MRPS18B: variants seen among roughly 807,000 people sequenced by gnomAD.
MRPS18B encodes the protein mitochondrial ribosomal protein S18B, also known as small ribosomal subunit protein mS40.
MRPS18B carries 27 observed loss-of-function variants against 28.4 expected under a neutral mutation model. The observed-to-expected ratio is 0.95, with a 90% confidence interval of 0.70 to 1.31. MRPS18B has a LOEUF of 1.31. MRPS18B is among the 40% of genes most tolerant of loss of function. The probability of loss-of-function intolerance (pLI) is 0.00; values close to 1 mark genes in which losing one functional copy is unlikely to be tolerated. For synonymous variants in MRPS18B, 118 were observed against 123.7 expected, an observed-to-expected ratio of 0.95 and a Z score of 0.30; for missense variants, 343 against 335.9, an observed-to-expected ratio of 1.02 and a Z score of -0.17.
Position 30,619,783 on chromosome 6 carries a change from C to G in MRPS18B, c.262C>G (p.Gln88Glu). ...RRNHKGGVPP[Q>E]RTRKTCIRRN... is the part of the protein sequence containing the mutation. ...CAACCACAAGGGTGGTGTACCCCCA[C>G]AGCGGACTCGGAAGACATGTATTGT... Residue 88 changes from glutamine (Q) to glutamate (E), a missense_variant, in exon 3 of 7, where the codon CAG becomes GAG. Gln to Glu is a conservative substitution (Grantham distance 29, BLOSUM62 2). Transcript: ENST00000259873. 3 of 1,614,238 alleles carry G rather than the reference C, an allele frequency of 1.9e-6. No homozygotes were observed. Among genetic ancestry groups the G allele is most frequent in the Non-Finnish European group, 2.5e-6 (3 of 1,180,038 alleles).
intron 4 of MRPS18B, among the ~76,000 whole-genome samples, chr6:30,622,389 C>T (rs1426214689): frequency 1.3e-5 from 2 of 151,674 alleles, no homozygotes; most frequent in Non-Finnish European, 2.9e-5. Context: ...GGTGAAACCG[C>T]ATCTCTACTA....
At chr6:30,623,410 AAC>A (rs1397414117) in intron 5 of MRPS18B, among the ~76,000 whole-genome samples, 3 of 152,208 alleles carry the variant, frequency 2.0e-5, no homozygotes, top group Non-Finnish European at 2.9e-5. Flanking sequence ...TTAATTGATA[AAC>A]AGTGATTAAT....
chr6:30,619,989 G>A lies in MRPS18B; in HGVS notation c.354G>A (p.Arg118=). ...ATCACAAGTTGCATGTTGACTTTAGGGTAAGGAGAGTCTTTTCTTTTTAGG... is the reference window on the plus strand; with the variant it reads ...ATCACAAGTTGCATGTTGACTTTAGAGTAAGGAGAGTCTTTTCTTTTTAGG... ...CRDHKLHVDF[R]NVKLLEQFVC... Residue 118 remains arginine (R), a splice_region_variant and synonymous_variant, in exon 4 of 7, where the codon AGG becomes AGA. Transcript: ENST00000259873. 1.2e-6 allele frequency: 2 copies of A among 1,613,668 alleles called. No homozygotes were observed. Among genetic ancestry groups the A allele is most frequent in the South Asian group, 1.1e-5 (1 of 91,062 alleles).
At chr6:30,623,643 A>G (rs940394879) in intron 5 of MRPS18B, among the ~76,000 whole-genome samples, 14 of 152,218 alleles carry the variant, frequency 9.2e-5, no homozygotes, top group African/African-American at 2.9e-4. Flanking sequence ...CCATGCTACA[A>G]TGGCAGAGTT....
chr6:30,619,284 T>C (rs1395549451), intron 1 of MRPS18B, among the ~76,000 whole-genome samples: 1 of 152,218 alleles, frequency 6.6e-6, no homozygotes, highest in Non-Finnish European at 1.5e-5. Flanking sequence ...CTAACTTAGC[T>C]TTTCTTTCAG....
chr6:30,626,014 A>T lies in MRPS18B; in HGVS notation c.*217A>T. ...CTATTGGGGAGGCTAAGGTAGGATCACTTGATCCCAGGAGGCGGAGGTTGC... is the reference window on the plus strand; with the variant it reads ...CTATTGGGGAGGCTAAGGTAGGATCTCTTGATCCCAGGAGGCGGAGGTTGC... On this transcript the variant is annotated 3_prime_UTR_variant, in exon 7 of 7. Coordinates refer to ENST00000259873, the MANE Select transcript of MRPS18B (RefSeq NM_014046.4). 1.9e-6 allele frequency: 1 copy of T among 514,998 alleles called. No individual in the cohort carries two copies. Among genetic ancestry groups the T allele is most frequent in the East Asian group, 3.1e-5 (1 of 31,746 alleles). The allele number at this position is 514,998 out of a possible 1,614,324, so 31.9% of individuals were successfully genotyped here.
intron 4 of MRPS18B, among the ~76,000 whole-genome samples, chr6:30,620,280 G>A (rs1045904899): frequency 4.6e-5 from 7 of 151,516 alleles, no homozygotes; most frequent in East Asian, 3.9e-4. Context: ...TCGCATCACC[G>A]CACTCTAGCC....
chr6:30,622,472 G>A (rs1005315296), intron 4 of MRPS18B, among the ~76,000 whole-genome samples: 3 of 142,892 alleles, frequency 2.1e-5, no homozygotes. Context: ...CTAAGGCAGA[G>A]AATTGCTTGA....
intron 4 of MRPS18B, among the ~76,000 whole-genome samples, chr6:30,622,303 C>T (rs1303954751): frequency 6.6e-6 from 1 of 151,756 alleles, no homozygotes; most frequent in East Asian, 1.9e-4. Flanking sequence ...TGGCTCATGC[C>T]TGTAATCCCA....
rs750241609 is a variant in MRPS18B, at chr6:30,617,955, A to G, written c.78+12A>G. 1.9e-6 allele frequency: 3 copies of G among 1,613,942 alleles called. No individual in the cohort carries two copies. The highest frequency in any genetic ancestry group is 2.5e-6 in the Non-Finnish European group (3 of 1,179,960). ...CTCACAGAGTTCAGGTAACTCTTCG[A>G]AAGACATTTTGCACAACCTCAAGTT... On this transcript the variant is annotated intron_variant, in intron 1 of 6. Transcript: ENST00000259873.
intron 5 of MRPS18B, 64 bp from the exon 6 acceptor site, chr6:30,624,819 A>G: frequency 6.4e-7 from 1 of 1,568,294 alleles, no homozygotes; most frequent in Non-Finnish European, 8.8e-7. Flanking sequence ...CTGTCACCAT[A>G]TGGAAGCAGT....
In MRPS18B at chr6:30,619,579, C is replaced by G. The variant is rs965014702; in HGVS notation, c.165C>G (p.Pro55=). 3.7e-6 allele frequency: 6 copies of G among 1,612,520 alleles called. No individual in the cohort carries two copies. Among genetic ancestry groups the G allele is most frequent in the Non-Finnish European group, 5.1e-6 (6 of 1,179,708 alleles). The change falls in exon 2 of 7, where the codon CCC becomes CCG. Residue 55 remains proline, a synonymous_variant. Transcript: ENST00000259873. ...SVPISPYKDE[P]WKYLESEEYQ... ...CCATTTCTCCTTATAAGGATGAGCC[C>G]TGGAAATATCTGGAATCAGAAGGTA...
At chr6:30,622,992 G>A in intron 5 of MRPS18B, 94 bp downstream of exon 5, 1 of 1,256,680 alleles carries the variant, frequency 8.0e-7, no homozygotes, top group Admixed American at 1.8e-5. Flanking sequence ...AGTGGCTCCT[G>A]CTTATAGCCT....
At chr6:30,618,217 G>A (rs1760863715) in intron 1 of MRPS18B, among the ~76,000 whole-genome samples, 1 of 152,022 alleles carries the variant, frequency 6.6e-6, no homozygotes, top group Non-Finnish European at 1.5e-5. Flanking sequence ...CCTCAGTCAT[G>A]CATAACCAGC....
At position 30,626,044 on chromosome 6, in the gene MRPS18B, A is replaced by C. The variant is rs1377946139; in HGVS notation, c.*247A>C. The C allele has an allele frequency of 2.2e-6, 1 of 449,800 alleles. No homozygotes were observed. The highest frequency in any genetic ancestry group is 4.0e-6 in the Non-Finnish European group (1 of 252,510). 27.9% of individuals were successfully genotyped at this position (449,800 alleles called of 1,614,324 possible). ...ATCCCAGGAGGCGGAGGTTGCAGTG[A>C]GTTGCAGTCACACCCCTGCACTCCA... On this transcript the variant is annotated 3_prime_UTR_variant, in exon 7 of 7. Coordinates refer to ENST00000259873, the MANE Select transcript of MRPS18B (RefSeq NM_014046.4).
In MRPS18B at chr6:30,625,890, C is replaced by T; in HGVS notation, c.*93C>T. On this transcript the variant is annotated 3_prime_UTR_variant, in exon 7 of 7. Coordinates refer to ENST00000259873, the MANE Select transcript of MRPS18B (RefSeq NM_014046.4). ...CCAAGGTGGGCTGATCACTTGATCC[C>T]AGGAGTTTGAGACCAGCCTGGGCAC... The T allele has an allele frequency of 7.2e-7, 1 of 1,379,576 alleles. No homozygotes were observed. Among genetic ancestry groups the T allele is most frequent in the Non-Finnish European group, 9.9e-7 (1 of 1,011,108 alleles). The allele number at this position is 1,379,576 out of a possible 1,614,324, so 85.5% of individuals were successfully genotyped here.
At chr6:30,621,707 G>T (rs192522236) in intron 4 of MRPS18B, among the ~76,000 whole-genome samples, 1 of 152,288 alleles carries the variant, frequency 6.6e-6, no homozygotes, top group East Asian at 1.9e-4. Flanking sequence ...ACTTTGGGAG[G>T]CCAAGGTGAG....
In MRPS18B at chr6:30,619,785, G is replaced by A; in HGVS notation, c.264G>A (p.Gln88=). 4 of 1,614,258 alleles carry A rather than the reference G, an allele frequency of 2.5e-6. No individual in the cohort carries two copies. Among genetic ancestry groups the A allele is most frequent in the Non-Finnish European group, 3.4e-6 (4 of 1,180,034 alleles). The part of the protein sequence containing the change: ...RRNHKGGVPP[Q]RTRKTCIRRN... Reference sequence around the variant, plus strand: ...ACCACAAGGGTGGTGTACCCCCACAGCGGACTCGGAAGACATGTATTGTGA... The same window carrying A: ...ACCACAAGGGTGGTGTACCCCCACAACGGACTCGGAAGACATGTATTGTGA... The change falls in exon 3 of 7, where the codon CAG becomes CAA. Residue 88 remains glutamine (Q), a synonymous_variant. Transcript: ENST00000259873.
chr6:30,619,460 C>T, intron 1 of MRPS18B, 33 bp from the exon 2 acceptor site: 1 of 1,563,322 alleles, frequency 6.4e-7, no homozygotes, highest in Non-Finnish European at 8.8e-7. Flanking sequence ...TTTCCTTAAA[C>T]TCATTCTTTT....
Sources: gnomAD v4.1 joint callset for allele counts (sites outside exome capture counted in the v4.1 genomes callset) on GRCh38, gnomAD v4.1.1 for gene constraint, MANE v1.5 for transcripts, NCBI Gene and HGNC (gene_info 2026-07-23, HGNC 2026-07-21) for gene names.